Variants in GLDC observed in about 807,000 individuals in gnomAD.
GLDC encodes glycine decarboxylase, also known as glycine dehydrogenase (decarboxylating), mitochondrial.
GLDC carries 104 observed loss-of-function variants against 121.3 expected under a neutral mutation model. The observed-to-expected ratio is 0.86, with a 90% CI of 0.73 to 1.01. The LOEUF is 1.01. Among genes scored for constraint, GLDC ranks in the 50% least tolerant of loss-of-function variants. The probability of loss-of-function intolerance (pLI) is 0.00; values close to 1 mark genes in which losing one functional copy is unlikely to be tolerated. For missense variants in GLDC, 1,429 were observed against 1,306.6 expected (o/e 1.09, Z -1.44); for synonymous variants, 546 against 480.6 (o/e 1.14, Z -1.78).
At chr9:6,567,012 GC>G (rs1308543556) in intron 15 of GLDC, among the ~76,000 whole-genome samples, 2 of 152,140 alleles carry the variant, frequency 1.3e-5, no homozygotes, top group Non-Finnish European at 1.5e-5. Context: ...TGCAAGCAGT[GC>G]TGCTCTTCTG....
At chr9:6,569,974 T>G (rs1185981873) in intron 15 of GLDC, among the ~76,000 whole-genome samples, 1 of 152,154 alleles carries the variant, frequency 6.6e-6, no homozygotes, top group Non-Finnish European at 1.5e-5. Context: ...AGACTCAGGC[T>G]CATGGCCGGG....
chr9:6,594,435 C>G (rs1818447638), intron 9 of GLDC, among the ~76,000 whole-genome samples: 1 of 152,056 alleles, frequency 6.6e-6, no homozygotes, highest in Non-Finnish European at 1.5e-5. Context: ...GTGGCTCACG[C>G]CTGTAATCCC....
rs759551069 is a variant in GLDC, at chr9:6,606,649, A to G, written c.656T>C (p.Phe219Ser). Residue 219 changes from phenylalanine to serine, a missense_variant, in exon 5 of 25, where the codon TTT (phenylalanine) becomes TCT (serine). Physicochemically the swap from Phe to Ser is radical, Grantham distance 155. Coordinates refer to ENST00000321612, the MANE Select transcript of GLDC (RefSeq NM_000170.3). ...LCYRHNKRRK[F>S]LVDPRCHPQT... ...TGGGTGGCAACGGGGATCAACGAGA[A>G]ATTTCCTCCTCTTGTTGTGTCTGTT... is the stretch of plus-strand genomic sequence containing the variant. 6.2e-7 allele frequency: 1 copy of G among 1,604,172 alleles called. No individual in the cohort carries two copies. The highest frequency in any genetic ancestry group is 1.1e-5 in the South Asian group (1 of 90,862).
At chr9:6,589,142 C>G (rs1818326084) in intron 12 of GLDC, 53 bp downstream of exon 12, 1 of 1,078,608 alleles carries the variant, frequency 9.3e-7, no homozygotes, top group Non-Finnish European at 1.4e-6. Context: ...CTGCCTAACT[C>G]CCTAGCTGAT....
intron 9 of GLDC, among the ~76,000 whole-genome samples, chr9:6,593,958 G>T (rs944773463): frequency 1.3e-5 from 2 of 152,020 alleles, no homozygotes; most frequent in Non-Finnish European, 2.9e-5. Flanking sequence ...CTCCCAAAGT[G>T]CTAGGATTAC....
intron 24 of GLDC, 73 bp from the exon 25 acceptor site, chr9:6,533,233 T>C (rs1044996669): frequency 1.6e-6 from 2 of 1,277,662 alleles, no homozygotes. Flanking sequence ...GAGGTGGCAA[T>C]GCTAGTCCCA....
intron 15 of GLDC, among the ~76,000 whole-genome samples, chr9:6,577,262 T>C (rs1267961582): frequency 6.6e-6 from 1 of 152,224 alleles, no homozygotes; most frequent in Admixed American, 6.5e-5. Context: ...CTGAGTCCAC[T>C]TGATGTTAAA....
intron 17 of GLDC, chr9:6,558,203 T>C (rs765689960): frequency 5.4e-4 from 280 of 520,564 alleles, no homozygotes; most frequent in Non-Finnish European, 8.0e-4. Context: ...AAGCTGACAT[T>C]TGTGTTACAA....
intron 3 of GLDC, among the ~76,000 whole-genome samples, chr9:6,619,231 G>A (rs1452240782): frequency 1.3e-5 from 2 of 148,792 alleles, no homozygotes; most frequent in African/African-American, 2.5e-5. Context: ...ATAAGTAACT[G>A]AGCATGCATA....
rs972983291 is a variant in GLDC at position 6,632,262 on chromosome 9, T to C, written c.335-11943A>G. Among the ~76,000 whole-genome samples, 10 of 152,324 alleles carry C rather than the reference T, an allele frequency of 6.6e-5. No individual in the cohort carries two copies. In the South Asian group the frequency reaches 2.1e-3, roughly 32 times the overall value. On this transcript the variant is annotated intron_variant, in intron 2 of 24. Transcript: ENST00000321612. ...GATGATGAATCAATGCATAAATTGT[T>C]CTCACATTTGGTTCAACTACATCCC...
chr9:6,553,281 T>C, intron 20 of GLDC, 87 bp downstream of exon 20: 1 of 1,200,564 alleles, frequency 8.3e-7, no homozygotes, highest in Non-Finnish European at 1.2e-6. Context: ...TATTTGTTTT[T>C]AAGCCAAGAA....
intron 3 of GLDC, among the ~76,000 whole-genome samples, chr9:6,619,805 G>A (rs555093277): frequency 1.3e-5 from 2 of 152,250 alleles, no homozygotes; most frequent in African/African-American, 4.8e-5. Flanking sequence ...ATGACTCAAT[G>A]AGATAGCTCA....
At chr9:6,603,553 A>C (rs931237986) in intron 7 of GLDC, among the ~76,000 whole-genome samples, 1 of 151,802 alleles carries the variant, frequency 6.6e-6, no homozygotes, top group Non-Finnish European at 1.5e-5. Flanking sequence ...ATAAATAAAT[A>C]AATAAAATTT....
chr9:6,620,859 C>G (rs1819077255), intron 2 of GLDC, among the ~76,000 whole-genome samples: 1 of 152,162 alleles, frequency 6.6e-6, no homozygotes, highest in Non-Finnish European at 1.5e-5. Context: ...TAGAAAATAT[C>G]AGTTGTAATC....
intron 21 of GLDC, among the ~76,000 whole-genome samples, chr9:6,550,531 G>A (rs1430472809): frequency 6.6e-6 from 1 of 152,138 alleles, no homozygotes; most frequent in African/African-American, 2.4e-5. Context: ...GGAGGCTGAG[G>A]CAAAAGAATC....
intron 11 of GLDC, among the ~76,000 whole-genome samples, chr9:6,590,661 A>C (rs1818358418): frequency 6.6e-6 from 1 of 152,244 alleles, no homozygotes; most frequent in South Asian, 2.1e-4. Context: ...AGCCAAATAA[A>C]GCTATTTTAT....
intron 15 of GLDC, among the ~76,000 whole-genome samples, chr9:6,576,512 G>T (rs1285809328): frequency 2.6e-5 from 4 of 152,106 alleles, no homozygotes; most frequent in Non-Finnish European, 5.9e-5. Context: ...TGTCGCCCAG[G>T]CTGGGGTGCA....
chr9:6,569,774 G>A (rs1025775913), intron 15 of GLDC, among the ~76,000 whole-genome samples: 2 of 152,054 alleles, frequency 1.3e-5, no homozygotes, highest in African/African-American at 4.8e-5. Context: ...TTAGAAGATC[G>A]AGACCAGCCT....
chr9:6,627,091 C>T (rs991290792), intron 2 of GLDC, among the ~76,000 whole-genome samples: 3 of 151,938 alleles, frequency 2.0e-5, no homozygotes, highest in Middle Eastern at 3.2e-3. Context: ...ATCAGGAGAT[C>T]GAGACCATCC....
Sources: allele counts gnomAD v4.1 joint callset (sites outside exome capture counted in the v4.1 genomes callset), GRCh38; gene constraint gnomAD v4.1.1; transcripts MANE v1.5; gene names NCBI Gene and HGNC (gene_info 2026-07-23, HGNC 2026-07-21).